The following PTGES3 variants were observed in gnomAD, a reference collection of about 807,000 sequenced individuals.
PTGES3 encodes the protein Hsp90 co-chaperone.
PTGES3 carries 5 observed loss-of-function variants against 29.9 expected under a neutral mutation model. That is an observed-to-expected ratio of 0.17 (90% confidence interval 0.09 to 0.35). The LOEUF (loss-of-function observed/expected upper bound fraction) is 0.35. Among genes scored for constraint, PTGES3 ranks in the 10% least tolerant of loss-of-function variants. The pLI, the probability that PTGES3 is intolerant of heterozygous loss-of-function variation, is 1.00. For synonymous variants in PTGES3, 49 were observed against 57.8 expected (o/e 0.85, Z 0.69); for missense variants, 128 against 190.0 (o/e 0.67, Z 1.92).
At position 56,688,132 on chromosome 12, in the gene PTGES3, A is replaced by AGGCGAC. The variant is rs1250635558; in HGVS notation, c.-139_-134dup. ...GTCGCGGCCTCTTCTCGCTTCCCTC[A>AGGCGAC]GGCGACGGCGGCAGCGGCGGGCTCG... On this transcript the variant is annotated 5_prime_UTR_variant, in exon 1 of 8. Coordinates refer to ENST00000262033, the MANE Select transcript of PTGES3 (RefSeq NM_006601.7). 59 of 1,397,070 alleles carry AGGCGAC rather than the reference A, an allele frequency of 4.2e-5. No individual in the cohort carries two copies. Among genetic ancestry groups the AGGCGAC allele is most frequent in the Non-Finnish European group, 5.5e-5 (59 of 1,076,768 alleles). 86.5% of individuals were successfully genotyped at this position (1,397,070 alleles called of 1,614,324 possible).
At chr12:56,680,748 C>T (rs1020365634) in intron 1 of PTGES3, among the ~76,000 whole-genome samples, 4 of 151,070 alleles carry the variant, frequency 2.6e-5, no homozygotes, top group Non-Finnish European at 5.9e-5. Context: ...TGTAGGGCAC[C>T]CTCCACCCAC....
At chr12:56,678,938 G>A (rs1022574880) in intron 1 of PTGES3, among the ~76,000 whole-genome samples, 3 of 152,032 alleles carry the variant, frequency 2.0e-5, no homozygotes, top group Admixed American at 6.6e-5. Context: ...GCAACACTGC[G>A]AGACCACATC....
intron 5 of PTGES3, among the ~76,000 whole-genome samples, chr12:56,669,621 ATTTAT>A (rs1450111034): frequency 1.3e-5 from 2 of 151,052 alleles, no homozygotes; most frequent in Non-Finnish European, 2.9e-5. Flanking sequence ...TTCTGCATTT[ATTTAT>A]TTATTTGACC....
chr12:56,686,139 T>C (rs1247020306), intron 1 of PTGES3, among the ~76,000 whole-genome samples: 2 of 152,036 alleles, frequency 1.3e-5, no homozygotes, highest in African/African-American at 4.8e-5. Flanking sequence ...CTTACCTATT[T>C]AAATATCTCA....
intron 5 of PTGES3, among the ~76,000 whole-genome samples, chr12:56,666,640 T>G (rs1206495436): frequency 6.6e-6 from 1 of 152,048 alleles, no homozygotes; most frequent in African/African-American, 2.4e-5. Flanking sequence ...GTATTCTTTT[T>G]TTTTTGAGAC....
intron 1 of PTGES3, among the ~76,000 whole-genome samples, chr12:56,676,056 G>A (rs1034435713): frequency 2.7e-4 from 41 of 149,774 alleles, no homozygotes; most frequent in African/African-American, 8.7e-4. Context: ...GAGAAACCCC[G>A]TCTCTACTAA....
chr12:56,681,241 G>C (rs1375181724), intron 1 of PTGES3, among the ~76,000 whole-genome samples: 2 of 151,482 alleles, frequency 1.3e-5, no homozygotes, highest in Admixed American at 1.3e-4. Context: ...TGTGTAAATG[G>C]GTATTTTAAG....
At position 56,672,640 on chromosome 12, in the gene PTGES3, T is replaced by C. The variant is rs17444925; in HGVS notation, c.186+100A>G. ...TGTAAATATACATAGTTTGCCTCAC[T>C]GTTAAGAAAAACAGAACTAATGCTC... On this transcript the variant is annotated intron_variant, in intron 3 of 7. Coordinates refer to ENST00000262033, the MANE Select transcript of PTGES3 (RefSeq NM_006601.7). 19,950 of 1,327,558 alleles carry C rather than the reference T, an allele frequency of 0.015. 243 individuals carry two copies. The highest frequency in any genetic ancestry group is 0.046 in the South Asian group (2,303 of 49,862). The allele number at this position is 1,327,558 out of a possible 1,614,324, so 82.2% of individuals were successfully genotyped here.
rs1228859967 is a variant in PTGES3, at chr12:56,688,139, G to C, written c.-140C>G. The C allele has an allele frequency of 2.2e-6, 3 of 1,380,370 alleles. No individual in the cohort carries two copies. Among genetic ancestry groups the C allele is most frequent in the Non-Finnish European group, 2.8e-6 (3 of 1,065,728 alleles). The allele number at this position is 1,380,370 out of a possible 1,614,324, so 85.5% of individuals were successfully genotyped here. On this transcript the variant is annotated 5_prime_UTR_variant, in exon 1 of 8. Coordinates refer to ENST00000262033, the MANE Select transcript of PTGES3 (RefSeq NM_006601.7). ...CCTCTTCTCGCTTCCCTCAGGCGACGGCGGCAGCGGCGGGCTCGACCTCGG... is the reference window on the plus strand; with the variant it reads ...CCTCTTCTCGCTTCCCTCAGGCGACCGCGGCAGCGGCGGGCTCGACCTCGG...
rs1286323321 is a variant in PTGES3 at position 56,688,123 on chromosome 12, G to A, written c.-124C>T. On this transcript the variant is annotated 5_prime_UTR_variant, in exon 1 of 8. Transcript: ENST00000262033. ...TTCTCTCCGGTCGCGGCCTCTTCTC[G>A]CTTCCCTCAGGCGACGGCGGCAGCG... 2.8e-6 allele frequency: 4 copies of A among 1,410,868 alleles called. No homozygotes were observed. The highest frequency in any genetic ancestry group is 3.7e-6 in the Non-Finnish European group (4 of 1,084,180). The allele number at this position is 1,410,868 out of a possible 1,614,324, so 87.4% of individuals were successfully genotyped here. A position where few individuals can be genotyped will look rare whatever the true frequency, so the allele number is the denominator to read the frequency against.
chr12:56,664,541 T>A (rs1565856700), intron 7 of PTGES3, 43 bp from the exon 8 acceptor site: 1 of 1,558,164 alleles, frequency 6.4e-7, no homozygotes, highest in Middle Eastern at 1.7e-4. Flanking sequence ...TACAAGTGAA[T>A]AATCTACCAA....
At chr12:56,673,209 C>A in intron 1 of PTGES3, 144 bp from the exon 2 acceptor site, 1 of 551,394 alleles carries the variant, frequency 1.8e-6, no homozygotes, top group Admixed American at 3.7e-5. Context: ...CTAACAGCTA[C>A]ATTCCAAGTT....
At position 56,680,446 on chromosome 12, in the gene PTGES3, C is replaced by T. The variant is rs185542500; in HGVS notation, c.3-7381G>A. On this transcript the variant is annotated intron_variant, in intron 1 of 7. Transcript: ENST00000262033. ...TGCTGCCCTGATTGGACTGCAACGG[C>T]GTCATCTTGCCTCTCTGCAACCCCT... Among the ~76,000 whole-genome samples the T allele has an allele frequency of 5.9e-5, 9 of 151,796 alleles. No homozygotes were observed. The East Asian group carries it at 7.7e-4, about 13-fold the overall frequency.
At chr12:56,665,749 C>T in intron 6 of PTGES3, 2 of 742,576 alleles carry the variant, frequency 2.7e-6, no homozygotes, top group Non-Finnish European at 3.3e-6. Context: ...TCAAGCGATT[C>T]TCCCACCTCA....
In PTGES3 at chr12:56,677,694, G is replaced by T. The variant is rs541494033; in HGVS notation, c.3-4629C>A. 7.9e-5 allele frequency among the ~76,000 whole-genome samples: 12 copies of T among 151,822 alleles called. No homozygotes were observed. The East Asian group carries it at 2.3e-3, about 29-fold the overall frequency. ...TTTTTTTGGTGGGGTGGGTACCTGT[G>T]TTTTTTTGAGTTATAGCAACCACCA... On this transcript the variant is annotated intron_variant, in intron 1 of 7. Coordinates refer to ENST00000262033, the MANE Select transcript of PTGES3 (RefSeq NM_006601.7).
rs114716740 is a variant in PTGES3, at chr12:56,665,947, G to A, written c.438+257C>T. 401 of 1,177,244 alleles carry A rather than the reference G, an allele frequency of 3.4e-4. 3 individuals are homozygous for A. The African/African-American group carries it at 6.2e-3, about 18-fold the overall frequency. 72.9% of individuals were successfully genotyped at this position (1,177,244 alleles called of 1,614,324 possible). A position where few individuals can be genotyped will look rare whatever the true frequency, so the allele number is the denominator to read the frequency against. On this transcript the variant is annotated intron_variant, in intron 6 of 7. Coordinates refer to ENST00000262033, the MANE Select transcript of PTGES3 (RefSeq NM_006601.7). ...AAACTGACTGTTATAATTGAGTACG[G>A]TATTAATATATAATGTCTCTATACA... is the stretch of plus-strand genomic sequence containing the variant.
chr12:56,664,973 G>C, intron 6 of PTGES3, 173 bp from the exon 7 acceptor site: 2 of 985,400 alleles, frequency 2.0e-6, no homozygotes, highest in Non-Finnish European at 2.4e-6. Context: ...TAAGGTGAAT[G>C]GATGTACAGC....
rs1951710318 is a variant in PTGES3 at position 56,664,236 on chromosome 12, GA to G, written c.*242del. 2.6e-6 allele frequency: 1 copy of G among 383,788 alleles called. No individual in the cohort carries two copies. Among genetic ancestry groups the G allele is most frequent in the African/African-American group, 2.3e-5 (1 of 43,400 alleles). The allele number at this position is 383,788 out of a possible 1,614,324, so 23.8% of individuals were successfully genotyped here. A position where few individuals can be genotyped will look rare whatever the true frequency, so the allele number is the denominator to read the frequency against. Reference sequence around the variant, plus strand: ...TTGCCTAGGACCTCAACAGCTTCATGAAAGTCTGGGAAATGTTCATGCATAA... The same window carrying G: ...TTGCCTAGGACCTCAACAGCTTCATGAAGTCTGGGAAATGTTCATGCATAA... On this transcript the variant is annotated 3_prime_UTR_variant, in exon 8 of 8. Coordinates refer to ENST00000262033, the MANE Select transcript of PTGES3 (RefSeq NM_006601.7).
At position 56,683,764 on chromosome 12, in the gene PTGES3, T is replaced by C. The variant is rs978562196; in HGVS notation, c.2+4234A>G. Among the ~76,000 whole-genome samples, 16 of 151,238 alleles carry C rather than the reference T, an allele frequency of 1.1e-4. No homozygotes were observed. In the South Asian group the frequency reaches 1.7e-3, roughly 16 times the overall value. On this transcript the variant is annotated intron_variant, in intron 1 of 7. Coordinates refer to ENST00000262033, the MANE Select transcript of PTGES3 (RefSeq NM_006601.7). ...CACGAGATCAGGAGATCGAGACCAT[T>C]CTGGCTAACACGGTGAAACCCCGTC...
Sources: allele counts gnomAD v4.1 joint callset (sites outside exome capture counted in the v4.1 genomes callset), GRCh38; gene constraint gnomAD v4.1.1; transcripts MANE v1.5; gene names NCBI Gene and HGNC (gene_info 2026-07-23, HGNC 2026-07-21).